The following KIAA1217 variants were observed in gnomAD, a reference collection of about 807,000 sequenced individuals.
KIAA1217 encodes KIAA1217.
A neutral mutation model predicts 163.9 loss-of-function variants in KIAA1217; 88 were observed. The observed-to-expected ratio is 0.54, with a 90% CI of 0.45 to 0.64. The LOEUF (loss-of-function observed/expected upper bound fraction) is 0.64, where lower values mean the gene tolerates loss of function less well. KIAA1217 is among the 30% of genes least tolerant of loss of function. The pLI is 0.00. For missense variants in KIAA1217, 2,372 were observed against 2,475.0 expected, an observed-to-expected ratio of 0.96 and a Z score of 0.88; for synonymous variants, 903 against 923.1, an observed-to-expected ratio of 0.98 and a Z score of 0.39.
At chr10:23,833,947 G>A (rs988628215) in intron 1 of KIAA1217, among the ~76,000 whole-genome samples, 2 of 151,960 alleles carry the variant, frequency 1.3e-5, no homozygotes, top group Middle Eastern at 3.4e-3. Context: ...TATTGTTGTG[G>A]GTGGTTTATA....
At chr10:23,972,798 TC>T (rs1421990913) in intron 1 of KIAA1217, among the ~76,000 whole-genome samples, 1 of 152,014 alleles carries the variant, frequency 6.6e-6, no homozygotes, top group Non-Finnish European at 1.5e-5. Context: ...TGAGATCATA[TC>T]CTTTGCAGGG....
chr10:24,201,878 T>C (rs1420435752), intron 2 of KIAA1217, among the ~76,000 whole-genome samples: 1 of 152,164 alleles, frequency 6.6e-6, no homozygotes, highest in Non-Finnish European at 1.5e-5. Flanking sequence ...CAGTGAGCCC[T>C]TTGAGTCTCT....
intron 6 of KIAA1217, among the ~76,000 whole-genome samples, chr10:24,480,176 C>G (rs2064496711): frequency 6.6e-6 from 1 of 152,218 alleles, no homozygotes; most frequent in South Asian, 2.1e-4. Flanking sequence ...CCCAGGGGGG[C>G]AAAATGCCCC....
intron 2 of KIAA1217, among the ~76,000 whole-genome samples, chr10:24,140,651 A>G (rs1286453116): frequency 2.6e-5 from 4 of 152,130 alleles, no homozygotes; most frequent in Admixed American, 1.3e-4. Context: ...GCACTTTAAA[A>G]CTTAGGAATC....
chr10:23,863,915 C>T (rs1199439368), intron 1 of KIAA1217, among the ~76,000 whole-genome samples: 1 of 152,082 alleles, frequency 6.6e-6, no homozygotes, highest in East Asian at 1.9e-4. Context: ...TTTGTTTTGA[C>T]TTTCAGTAGT....
intron 1 of KIAA1217, among the ~76,000 whole-genome samples, chr10:23,882,077 A>G (rs1162100377): frequency 5.3e-5 from 8 of 152,008 alleles, no homozygotes; most frequent in Admixed American, 3.9e-4. Flanking sequence ...TACTTTTGAT[A>G]TCATCAAAGT....
At chr10:23,772,354 T>G (rs559259172) in intron 1 of KIAA1217, among the ~76,000 whole-genome samples, 1 of 152,244 alleles carries the variant, frequency 6.6e-6, no homozygotes, top group South Asian at 2.1e-4. Flanking sequence ...TTATTCTACT[T>G]TAAATCATGA....
intron 2 of KIAA1217, among the ~76,000 whole-genome samples, chr10:24,308,333 G>C (rs901431293): frequency 6.6e-6 from 1 of 152,178 alleles, no homozygotes; most frequent in Non-Finnish European, 1.5e-5. Flanking sequence ...ATAATATGCT[G>C]GCTAGACCGT....
intron 1 of KIAA1217, among the ~76,000 whole-genome samples, chr10:23,981,739 T>C (rs1386220051): frequency 6.6e-6 from 1 of 152,156 alleles, no homozygotes; most frequent in Non-Finnish European, 1.5e-5. Context: ...ACAAGACTTA[T>C]TGGCCTCCTA....
intron 1 of KIAA1217, among the ~76,000 whole-genome samples, chr10:23,999,210 T>C (rs140957038): frequency 3.3e-5 from 5 of 152,328 alleles, no homozygotes; most frequent in African/African-American, 1.2e-4. Context: ...TTTAGTCTGT[T>C]GGTTGATTTG....
At chr10:24,307,612 CA>C (rs138090288) in intron 2 of KIAA1217, among the ~76,000 whole-genome samples, 40,025 of 117,568 alleles carry the variant, frequency 0.34, 8,667 homozygotes, top group African/African-American at 0.64. Flanking sequence ...CCCATCTCTC[CA>C]AAAAAAAAAA....
intron 1 of KIAA1217, among the ~76,000 whole-genome samples, chr10:23,703,178 T>A (rs998060536): frequency 3.9e-5 from 6 of 152,138 alleles, no homozygotes; most frequent in Non-Finnish European, 8.8e-5. Context: ...CTCAGCAGTC[T>A]CCAGAGATCG....
intron 2 of KIAA1217, among the ~76,000 whole-genome samples, chr10:24,062,487 C>T (rs1287911145): frequency 6.6e-6 from 1 of 151,492 alleles, no homozygotes; most frequent in Non-Finnish European, 1.5e-5. Flanking sequence ...TTTATGGCTG[C>T]ATAGTATTCC....
At chr10:24,095,887 C>G (rs973547500) in intron 2 of KIAA1217, among the ~76,000 whole-genome samples, 2 of 152,174 alleles carry the variant, frequency 1.3e-5, no homozygotes, top group African/African-American at 4.8e-5. Context: ...GGTAGGATCG[C>G]TTGAGGTCAG....
chr10:24,145,672 A>T (rs548973427), intron 2 of KIAA1217, among the ~76,000 whole-genome samples: 1 of 152,340 alleles, frequency 6.6e-6, no homozygotes, highest in East Asian at 1.9e-4. Context: ...CCAAAACCTC[A>T]AAAGTAGGGA....
At chr10:24,179,870 G>A (rs995327811) in intron 2 of KIAA1217, among the ~76,000 whole-genome samples, 36 of 152,260 alleles carry the variant, frequency 2.4e-4, no homozygotes, top group African/African-American at 8.2e-4. Context: ...TTGCAGGCAT[G>A]AGCCACCATG....
At chr10:24,328,240 G>A (rs983771896) in intron 2 of KIAA1217, among the ~76,000 whole-genome samples, 2 of 152,174 alleles carry the variant, frequency 1.3e-5, no homozygotes, top group Non-Finnish European at 2.9e-5. Flanking sequence ...GGGTTATGTA[G>A]CAGGGAAGAA....
In KIAA1217 at chr10:24,546,065, C is replaced by T. The variant is rs756802650; in HGVS notation, c.5573C>T (p.Ser1858Phe). Reference protein sequence around the residue: ...AHSASLIPSVSNGSLKFQSLT... With the variant: ...AHSASLIPSVFNGSLKFQSLT... Reference sequence around the variant, plus strand: ...TCTGCCTCCCTCATCCCTTCTGTCTCTAATGGCTCTTTGAAGTTTCAGAGC... The same window carrying T: ...TCTGCCTCCCTCATCCCTTCTGTCTTTAATGGCTCTTTGAAGTTTCAGAGC... The change falls in exon 21 of 21, where the codon TCT becomes TTT. Residue 1858 changes from serine to phenylalanine, a missense_variant. By Grantham distance (155) the Ser-to-Phe change is radical. Transcript: ENST00000376454. 4 of 1,614,236 alleles carry T rather than the reference C, an allele frequency of 2.5e-6. No homozygotes were observed. The highest frequency in any genetic ancestry group is 1.3e-5 in the African/African-American group (1 of 75,060).
chr10:24,220,646 G>T (rs763697332), intron 2 of KIAA1217, among the ~76,000 whole-genome samples: 3 of 151,026 alleles, frequency 2.0e-5, no homozygotes, highest in Admixed American at 6.6e-5. Context: ...AGTAGAGACG[G>T]TGTTTCATCG....
Sources: allele counts gnomAD v4.1 joint callset (sites outside exome capture counted in the v4.1 genomes callset), GRCh38; gene constraint gnomAD v4.1.1; transcripts MANE v1.5; gene names NCBI Gene and HGNC (gene_info 2026-07-23, HGNC 2026-07-21).